Variants in SEMA6A observed in about 807,000 individuals in gnomAD.
The protein encoded by SEMA6A is semaphorin-6A.
In SEMA6A, 25 loss-of-function variants were observed where a neutral mutation model predicts 96.8. The observed-to-expected ratio is 0.26, with a 90% CI of 0.19 to 0.36. The LOEUF (loss-of-function observed/expected upper bound fraction) is 0.36, where lower values mean the gene tolerates loss of function less well. Ranked by LOEUF, SEMA6A falls within the 10% of genes least tolerant of loss-of-function variation. SEMA6A has a pLI of 1.00. For synonymous variants in SEMA6A, 612 were observed against 518.0 expected (o/e 1.18, Z -2.46); for missense variants, 1,363 against 1,323.1 (o/e 1.03, Z -0.47).
At chr5:116,492,659 G>A (rs1371323288) in intron 6 of SEMA6A, among the ~76,000 whole-genome samples, 1 of 152,110 alleles carries the variant, frequency 6.6e-6, no homozygotes, top group Non-Finnish European at 1.5e-5. Context: ...ATCTAATTTG[G>A]GGCTATAACC....
At chr5:116,477,040 C>T (rs1385404984) in intron 15 of SEMA6A, among the ~76,000 whole-genome samples, 1 of 152,148 alleles carries the variant, frequency 6.6e-6, no homozygotes, top group East Asian at 1.9e-4. Context: ...GTTCTGTTCC[C>T]CCTTTGGATC....
At chr5:116,496,051 T>C in intron 5 of SEMA6A, 200 bp downstream of exon 5, 1 of 518,516 alleles carries the variant, frequency 1.9e-6, no homozygotes, top group Non-Finnish European at 3.5e-6. Context: ...GATGCAGGCC[T>C]AGCAGCTGTT....
At chr5:116,462,129 G>A (rs537303301) in intron 18 of SEMA6A, among the ~76,000 whole-genome samples, 21 of 152,122 alleles carry the variant, frequency 1.4e-4, no homozygotes, top group African/African-American at 5.1e-4. Flanking sequence ...GGGAGAACCA[G>A]GGTGCTTTAA....
intron 16 of SEMA6A, among the ~76,000 whole-genome samples, 173 bp from the exon 17 acceptor site, chr5:116,473,266 T>A (rs1381780972): frequency 6.6e-6 from 1 of 152,226 alleles, no homozygotes; most frequent in Non-Finnish European, 1.5e-5. Flanking sequence ...TCAGTCCGAT[T>A]TCTCACCTCC....
At chr5:116,516,418 G>A (rs945739856) in intron 1 of SEMA6A, among the ~76,000 whole-genome samples, 3 of 152,036 alleles carry the variant, frequency 2.0e-5, no homozygotes, top group African/African-American at 7.2e-5. Flanking sequence ...CCTGCTTTAT[G>A]TCTCAGTGAG....
At chr5:116,481,439 A>T (rs1046335868) in intron 11 of SEMA6A, among the ~76,000 whole-genome samples, 5 of 152,192 alleles carry the variant, frequency 3.3e-5, no homozygotes, top group African/African-American at 1.2e-4. Flanking sequence ...CAGAATATCA[A>T]CATGCCAGAT....
intron 1 of SEMA6A, among the ~76,000 whole-genome samples, chr5:116,512,078 T>TAATGA (rs1258481507): frequency 6.6e-6 from 1 of 152,080 alleles, no homozygotes; most frequent in East Asian, 1.9e-4. Context: ...AAGTAATGAG[T>TAATGA]GTTTAAATAG....
chr5:116,552,826 G>A (rs7716209), intron 1 of SEMA6A, among the ~76,000 whole-genome samples: 14,946 of 152,200 alleles, frequency 0.098, 1,032 homozygotes, highest in African/African-American at 0.19. Flanking sequence ...AAATGAATAC[G>A]TTGTCATTCC....
At chr5:116,571,444 A>C (rs11744490) in intron 1 of SEMA6A, among the ~76,000 whole-genome samples, 5 of 152,244 alleles carry the variant, frequency 3.3e-5, no homozygotes, top group African/African-American at 7.2e-5. Context: ...AGAAACATAA[A>C]GTAGAATGCT....
intron 1 of SEMA6A, among the ~76,000 whole-genome samples, chr5:116,509,366 T>C (rs2112786462): frequency 6.6e-6 from 1 of 152,302 alleles, no homozygotes; most frequent in African/African-American, 2.4e-5. Flanking sequence ...TTTAAAAAGC[T>C]CATTTTCTAA....
chr5:116,560,819 TC>T (rs1760793733), intron 1 of SEMA6A, among the ~76,000 whole-genome samples: 1 of 152,070 alleles, frequency 6.6e-6, no homozygotes, highest in African/African-American at 2.4e-5. Flanking sequence ...ACAGTGAGTG[TC>T]CCCTCCTAGC....
chr5:116,541,697 G>T (rs563716898), intron 1 of SEMA6A, among the ~76,000 whole-genome samples: 1 of 152,156 alleles, frequency 6.6e-6, no homozygotes, highest in Non-Finnish European at 1.5e-5. Context: ...GCTGGGCGTG[G>T]TGGCGTGCAC....
chr5:116,495,878 C>A (rs1991504), intron 5 of SEMA6A: 80,813 of 322,156 alleles, frequency 0.25, 10,756 homozygotes, highest in Admixed American at 0.34. Flanking sequence ...TATATGACCA[C>A]AGGCACAAAA....
At chr5:116,519,664 TACACACAC>T (rs72233200) in intron 1 of SEMA6A, among the ~76,000 whole-genome samples, 7 of 146,934 alleles carry the variant, frequency 4.8e-5, no homozygotes, top group African/African-American at 7.7e-5. Context: ...ATGCTGTGTG[TACACACAC>T]ACACACACAC....
At chr5:116,461,458 T>TG (rs1755392078) in intron 18 of SEMA6A, among the ~76,000 whole-genome samples, 1 of 142,392 alleles carries the variant, frequency 7.0e-6, no homozygotes, top group African/African-American at 2.6e-5. Flanking sequence ...TTAGTATGAG[T>TG]TTTTTTTTTC....
intron 17 of SEMA6A, 135 bp from the exon 18 acceptor site, chr5:116,467,882 AGTGGTGGTGGTGGTG>A (rs3073761): frequency 1.5e-4 from 85 of 551,374 alleles, no homozygotes; most frequent in Admixed American, 7.7e-4. Flanking sequence ...GACACGGCTT[AGTGGTGGTGGTGGTG>A]GTGGTGGTGG....
intron 1 of SEMA6A, among the ~76,000 whole-genome samples, chr5:116,523,567 C>G (rs1032425268): frequency 3.0e-4 from 45 of 152,270 alleles, no homozygotes; most frequent in African/African-American, 1.1e-3. Context: ...CCGCCTCAGT[C>G]TCCCAAAGTG....
intron 1 of SEMA6A, among the ~76,000 whole-genome samples, chr5:116,543,950 T>TTG (rs1220189050): frequency 6.6e-6 from 1 of 152,232 alleles, no homozygotes; most frequent in African/African-American, 2.4e-5. Context: ...TAAAATACAT[T>TTG]TGCAAGGTCT....
At chr5:116,493,893 G>A (rs952534861) in intron 6 of SEMA6A, among the ~76,000 whole-genome samples, 6 of 152,192 alleles carry the variant, frequency 3.9e-5, no homozygotes, top group Admixed American at 6.5e-5. Flanking sequence ...AGGCAGTGCC[G>A]TTCACAGTGC....
Sources: allele counts gnomAD v4.1 joint callset (sites outside exome capture counted in the v4.1 genomes callset), GRCh38; gene constraint gnomAD v4.1.1; transcripts MANE v1.5; gene names NCBI Gene and HGNC (gene_info 2026-07-23, HGNC 2026-07-21).